Variants in TRIO observed in about 807,000 individuals in gnomAD.
The protein encoded by TRIO is triple functional domain protein.
In TRIO, 58 loss-of-function variants were observed where a neutral mutation model predicts 351.9. The ratio of observed to expected loss-of-function variants is 0.16; its 90% CI spans 0.13 to 0.21. TRIO has a LOEUF of 0.21. Among genes scored for constraint, TRIO ranks in the 10% least tolerant of loss-of-function variants. The pLI is 1.00. For synonymous variants in TRIO, 1,758 were observed against 1,595.7 expected (o/e 1.10, Z -2.42); for missense variants, 3,201 against 4,027.8 (o/e 0.79, Z 5.56).
intron 34 of TRIO, among the ~76,000 whole-genome samples, chr5:14,424,761 T>C (rs956463989): frequency 6.6e-6 from 1 of 152,210 alleles, no homozygotes; most frequent in Non-Finnish European, 1.5e-5. Flanking sequence ...GGCATTTTTT[T>C]CTAACTCAAG....
At position 14,509,702 on chromosome 5, in the gene TRIO, G is replaced by A. The variant is rs370295322; in HGVS notation, c.*1280G>A. 14 of 321,960 alleles carry A rather than the reference G, an allele frequency of 4.3e-5. No individual in the cohort carries two copies. Among genetic ancestry groups the A allele is most frequent in the African/African-American group, 1.1e-4 (5 of 44,384 alleles). The allele number at this position is 321,960 out of a possible 1,614,324, so 19.9% of individuals were successfully genotyped here. On this transcript the variant is annotated 3_prime_UTR_variant, in exon 57 of 57. Transcript: ENST00000344204. ...GCCGATTAAGCACTGGCCGCCCCGC[G>A]GCTGGTACCCAATGCCCGAGTCACT...
chr5:14,226,263 G>A (rs1368659491), intron 1 of TRIO, among the ~76,000 whole-genome samples: 1 of 152,244 alleles, frequency 6.6e-6, no homozygotes, highest in South Asian at 2.1e-4. Context: ...CCAACTGCCT[G>A]TCTGATTGGT....
chr5:14,179,476 A>C (rs1789617054), intron 1 of TRIO, among the ~76,000 whole-genome samples: 1 of 142,318 alleles, frequency 7.0e-6, no homozygotes, highest in African/African-American at 2.6e-5. Flanking sequence ...TAAAATCTGG[A>C]TTTTTTTTAG....
chr5:14,200,059 C>G (rs245470), intron 1 of TRIO, among the ~76,000 whole-genome samples: 122,740 of 152,166 alleles, frequency 0.81, 50,121 homozygotes, highest in East Asian at 0.99. Flanking sequence ...GTCCTGGCAA[C>G]TAGACAGTGG....
At chr5:14,502,703 G>A in intron 54 of TRIO, 46 bp downstream of exon 54, 1 of 1,577,914 alleles carries the variant, frequency 6.3e-7, no homozygotes, top group Non-Finnish European at 8.7e-7. Context: ...CAGAGCGTGG[G>A]GAAGACATAC....
In TRIO at chr5:14,492,471, A is replaced by G. The variant is rs1439322675; in HGVS notation, c.7633-96A>G. 2.3e-5 allele frequency: 35 copies of G among 1,541,060 alleles called. No individual in the cohort carries two copies. In the East Asian group the frequency reaches 7.9e-4, roughly 35 times the overall value. On this transcript the variant is annotated intron_variant, in intron 48 of 56. Coordinates refer to ENST00000344204, the MANE Select transcript of TRIO (RefSeq NM_007118.4). ...TGCCTGGTGAGCCCTGCACGGGGTC[A>G]TGGTGCCATGGGGCACACTGACAAG...
At chr5:14,393,420 A>T (rs74410128) in intron 27 of TRIO, among the ~76,000 whole-genome samples, 52 of 152,334 alleles carry the variant, frequency 3.4e-4, no homozygotes, top group African/African-American at 1.2e-3. Context: ...TGTCTTCAAG[A>T]ATAAGAGAAA....
chr5:14,159,779 A>T (rs1216792318), intron 1 of TRIO, among the ~76,000 whole-genome samples: 1 of 151,988 alleles, frequency 6.6e-6, no homozygotes, highest in South Asian at 2.1e-4. Context: ...GTTTGCCAGG[A>T]TGGTCTCCAT....
intron 33 of TRIO, among the ~76,000 whole-genome samples, chr5:14,413,426 C>G (rs1579583445): frequency 6.6e-6 from 1 of 152,280 alleles, no homozygotes; most frequent in Middle Eastern, 3.4e-3. Flanking sequence ...TATTGGCCAC[C>G]CACTGTGTGC....
At chr5:14,277,884 T>C (rs1450589709) in intron 2 of TRIO, among the ~76,000 whole-genome samples, 1 of 152,252 alleles carries the variant, frequency 6.6e-6, no homozygotes, top group East Asian at 1.9e-4. Context: ...AAAGTGATCA[T>C]TAACTGCGTT....
intron 1 of TRIO, among the ~76,000 whole-genome samples, chr5:14,152,398 T>TCTCG (rs1456265422): frequency 3.3e-5 from 5 of 152,032 alleles, no homozygotes; most frequent in Non-Finnish European, 5.9e-5. Context: ...TGAGATGGAG[T>TCTCG]CTCGCTCTGT....
intron 48 of TRIO, chr5:14,489,091 A>G: frequency 1.3e-6 from 1 of 764,682 alleles, no homozygotes; most frequent in East Asian, 2.4e-5. Context: ...GAACTGTTCT[A>G]ATGAGTGTAT....
At chr5:14,225,020 A>C (rs1792898437) in intron 1 of TRIO, among the ~76,000 whole-genome samples, 2 of 152,170 alleles carry the variant, frequency 1.3e-5, no homozygotes, top group Admixed American at 1.3e-4. Flanking sequence ...TCTGATGTAG[A>C]ACTCCTGAGC....
chr5:14,343,700 C>T (rs1398194404), intron 11 of TRIO, among the ~76,000 whole-genome samples: 1 of 152,146 alleles, frequency 6.6e-6, no homozygotes, highest in Non-Finnish European at 1.5e-5. Flanking sequence ...TTGGCTATTA[C>T]AGGGAAATAC....
intron 9 of TRIO, among the ~76,000 whole-genome samples, chr5:14,320,219 A>G (rs570518104): frequency 6.6e-6 from 1 of 152,216 alleles, no homozygotes; most frequent in African/African-American, 2.4e-5. Context: ...TGTTACTGCT[A>G]CACACTGTTT....
intron 13 of TRIO, among the ~76,000 whole-genome samples, chr5:14,362,666 G>C (rs1744253351): frequency 1.3e-5 from 2 of 152,152 alleles, no homozygotes; most frequent in Non-Finnish European, 2.9e-5. Context: ...TTCTGGTTCT[G>C]TTTTTGTGCA....
intron 47 of TRIO, 117 bp from the exon 48 acceptor site, chr5:14,487,347 C>T (rs755726169): frequency 3.7e-4 from 390 of 1,048,998 alleles, no homozygotes; most frequent in Non-Finnish European, 4.3e-4. Context: ...GGTTGCTCTG[C>T]GCCCCTGCAC....
chr5:14,185,359 A>C (rs959553894), intron 1 of TRIO, among the ~76,000 whole-genome samples: 20 of 152,224 alleles, frequency 1.3e-4, no homozygotes, highest in Non-Finnish European at 1.5e-5. Flanking sequence ...TGAATAGCAC[A>C]GTTCTTCCTG....
chr5:14,236,700 G>A (rs1793786901), intron 1 of TRIO, among the ~76,000 whole-genome samples: 1 of 152,146 alleles, frequency 6.6e-6, no homozygotes, highest in African/African-American at 2.4e-5. Context: ...TTGTGTAGCA[G>A]CTTTATTGAA....
Sources: gnomAD v4.1 joint callset for allele counts (sites outside exome capture counted in the v4.1 genomes callset) on GRCh38, gnomAD v4.1.1 for gene constraint, MANE v1.5 for transcripts, NCBI Gene and HGNC (gene_info 2026-07-23, HGNC 2026-07-21) for gene names.